The following PLXDC1 variants were observed in gnomAD, a reference collection of about 807,000 sequenced individuals.
PLXDC1 encodes the protein plexin domain-containing protein 1.
Under a neutral mutation model 61.3 loss-of-function variants are expected in PLXDC1, and 39 were observed. The ratio of observed to expected loss-of-function variants is 0.64; its 90% CI spans 0.49 to 0.83. The LOEUF is 0.83. PLXDC1 is among the 40% of genes least tolerant of loss of function. The pLI is 0.00. For synonymous variants in PLXDC1, 212 were observed against 254.5 expected, an observed-to-expected ratio of 0.83 and a Z score of 1.59; for missense variants, 596 against 666.5, an observed-to-expected ratio of 0.89 and a Z score of 1.17.
At chr17:39,076,908 G>C (rs967397037) in intron 11 of PLXDC1, among the ~76,000 whole-genome samples, 1 of 151,996 alleles carries the variant, frequency 6.6e-6, no homozygotes, top group African/African-American at 2.4e-5. Context: ...GCTAATTTTT[G>C]TATTTTTAGT....
rs558498737 is a variant in PLXDC1 at position 39,085,297 on chromosome 17, G to A, written c.908-1757C>T. The stretch of plus-strand genomic sequence containing the variant: ...TCCTTTTGTCTGCCGTGGTGTTGAA[G>A]GCCCTGGGAGAGTGGATGGAAAGAG... On this transcript the variant is annotated intron_variant, in intron 8 of 13. Transcript: ENST00000315392. Among the ~76,000 whole-genome samples the A allele has an allele frequency of 2.0e-5, 3 of 152,304 alleles. No individual in the cohort carries two copies. In the East Asian group the frequency reaches 5.8e-4, roughly 29 times the overall value.
intron 7 of PLXDC1, among the ~76,000 whole-genome samples, chr17:39,088,285 C>T (rs1053924773): frequency 6.6e-6 from 1 of 152,192 alleles, no homozygotes; most frequent in Non-Finnish European, 1.5e-5. Context: ...GTCCACCATC[C>T]ACCTCACCCC....
intron 7 of PLXDC1, among the ~76,000 whole-genome samples, chr17:39,100,083 T>C (rs1485832831): frequency 6.6e-6 from 1 of 152,188 alleles, no homozygotes; most frequent in Non-Finnish European, 1.5e-5. Flanking sequence ...TGGGGAAGTT[T>C]ACCAGGCAAG....
intron 7 of PLXDC1, among the ~76,000 whole-genome samples, chr17:39,089,055 TAAG>T (rs913656947): frequency 1.3e-5 from 2 of 148,538 alleles, no homozygotes; most frequent in Non-Finnish European, 3.0e-5. Flanking sequence ...GAAAAAAGAA[TAAG>T]AAGCAGACAG....
At chr17:39,112,625 G>C (rs1267216649) in intron 2 of PLXDC1, among the ~76,000 whole-genome samples, 2 of 151,628 alleles carry the variant, frequency 1.3e-5, no homozygotes, top group African/African-American at 4.8e-5. Context: ...GCCCAGCCCA[G>C]CCCATCATTT....
chr17:39,079,364 C>G (rs1292294736), intron 9 of PLXDC1, 200 bp from the exon 10 acceptor site: 3 of 609,798 alleles, frequency 4.9e-6, no homozygotes, highest in Non-Finnish European at 9.2e-6. Context: ...TCCCACCCAG[C>G]TCCCCAGGAC....
At chr17:39,138,838 C>T (rs1052763157) in intron 2 of PLXDC1, among the ~76,000 whole-genome samples, 1 of 151,770 alleles carries the variant, frequency 6.6e-6, no homozygotes, top group Non-Finnish European at 1.5e-5. Context: ...TAAGAATCCA[C>T]CCTCATCACT....
intron 2 of PLXDC1, chr17:39,137,544 G>A (rs998902366): frequency 7.9e-5 from 12 of 152,124 alleles, no homozygotes; most frequent in Non-Finnish European, 1.3e-4. Flanking sequence ...TGGCGACAGA[G>A]CGAGACTCCA....
At chr17:39,086,984 AAAC>A (rs1253104729) in intron 8 of PLXDC1, among the ~76,000 whole-genome samples, 4 of 152,296 alleles carry the variant, frequency 2.6e-5, no homozygotes, top group East Asian at 3.9e-4. Flanking sequence ...GACCTTCATA[AAAC>A]AACAAGAAGG....
chr17:39,067,693 G>A lies in PLXDC1; in HGVS notation c.*147C>T, dbSNP rs1344213386. 1.2e-5 allele frequency: 9 copies of A among 745,318 alleles called. No individual in the cohort carries two copies. The highest frequency in any genetic ancestry group is 4.3e-5 in the South Asian group (2 of 46,950). 46.2% of individuals were successfully genotyped at this position (745,318 alleles called of 1,614,324 possible). A position where few individuals can be genotyped will look rare whatever the true frequency, so the allele number is the denominator to read the frequency against. On this transcript the variant is annotated 3_prime_UTR_variant, in exon 14 of 14. Coordinates refer to ENST00000315392, the MANE Select transcript of PLXDC1 (RefSeq NM_020405.5). ...TCTTCAATATTCGGGGTGTGCTGAC[G>A]AAGCGAGCAGCAGCTCTGGAGCCAT...
At chr17:39,125,815 T>G (rs1911295552) in intron 2 of PLXDC1, among the ~76,000 whole-genome samples, 1 of 152,218 alleles carries the variant, frequency 6.6e-6, no homozygotes, top group Non-Finnish European at 1.5e-5. Flanking sequence ...TTCTTCACTA[T>G]TTCTCTTTTA....
Position 39,077,930 on chromosome 17 carries a change from T to C in PLXDC1, c.1169A>G (p.Asp390Gly), listed in dbSNP as rs1909404100. ...LTTTSSSLFI[D>G]SLTTEDDTKL... ...GAACTTACCTTCTGTGGTGAGGCTG[T>C]CGATGAAGAGGGAGGAGGAGGTAGT... Residue 390 changes from aspartate (D) to glycine (G), a missense_variant, in exon 11 of 14, where the codon GAC (aspartate) becomes GGC (glycine). Transcript: ENST00000315392. 1 of 1,613,994 alleles carries C rather than the reference T, an allele frequency of 6.2e-7. No individual in the cohort carries two copies. Among genetic ancestry groups the C allele is most frequent in the Admixed American group, 1.7e-5 (1 of 59,994 alleles).
chr17:39,132,294 C>A (rs1475070913), intron 2 of PLXDC1, among the ~76,000 whole-genome samples: 2 of 151,916 alleles, frequency 1.3e-5, no homozygotes, highest in Non-Finnish European at 2.9e-5. Context: ...CCCAGGGTCT[C>A]TGACTCAGCA....
intron 1 of PLXDC1, among the ~76,000 whole-genome samples, chr17:39,148,381 T>C (rs1317156122): frequency 1.3e-5 from 2 of 151,730 alleles, no homozygotes; most frequent in East Asian, 3.9e-4. Flanking sequence ...TTTTTTATTT[T>C]AATTTTAATT....
rs369421062 is a variant in PLXDC1 at position 39,108,855 on chromosome 17, C to T, written c.469+49G>A. 1.2e-4 allele frequency: 159 copies of T among 1,317,816 alleles called. 1 individual carries two copies. The highest frequency in any genetic ancestry group is 1.6e-4 in the Non-Finnish European group (151 of 916,786). The allele number at this position is 1,317,816 out of a possible 1,614,324, so 81.6% of individuals were successfully genotyped here. Reference sequence around the variant, plus strand: ...CCACCCCTGGGAGGGCCCCTGAGTTCGGGCTGAGGTCTCCAGACTCTCCCC... The same window carrying T: ...CCACCCCTGGGAGGGCCCCTGAGTTTGGGCTGAGGTCTCCAGACTCTCCCC... On this transcript the variant is annotated intron_variant, in intron 4 of 13. Transcript: ENST00000315392.
chr17:39,124,233 C>A (rs952227353), intron 2 of PLXDC1, among the ~76,000 whole-genome samples: 2 of 152,236 alleles, frequency 1.3e-5, no homozygotes, highest in African/African-American at 2.4e-5. Flanking sequence ...TTTCAGAGGT[C>A]CTGGTCCAGA....
At chr17:39,079,708 C>T (rs1909481520) in intron 9 of PLXDC1, 1 of 374,610 alleles carries the variant, frequency 2.7e-6, no homozygotes, top group Non-Finnish European at 5.3e-6. Context: ...AGACACCAAG[C>T]GCCCCTGTAG....
chr17:39,086,042 C>G (rs553012487), intron 8 of PLXDC1, among the ~76,000 whole-genome samples: 2 of 152,256 alleles, frequency 1.3e-5, no homozygotes, highest in African/African-American at 4.8e-5. Context: ...ACAAAATTCA[C>G]CGGAGGGGTG....
chr17:39,118,705 C>A (rs1336337589), intron 2 of PLXDC1, among the ~76,000 whole-genome samples: 1 of 152,212 alleles, frequency 6.6e-6, no homozygotes, highest in African/African-American at 2.4e-5. Context: ...TCCTACATGA[C>A]CCTGTGCTTC....
Sources: allele counts gnomAD v4.1 joint callset (sites outside exome capture counted in the v4.1 genomes callset), GRCh38; gene constraint gnomAD v4.1.1; transcripts MANE v1.5; gene names NCBI Gene and HGNC (gene_info 2026-07-23, HGNC 2026-07-21).